TMEM135: variants seen among roughly 807,000 people sequenced by gnomAD.
TMEM135 encodes the protein peroxisomal membrane protein 52.
Under a neutral mutation model 60.3 loss-of-function variants are expected in TMEM135, and 30 were observed. That is an observed-to-expected ratio of 0.50 (90% CI 0.37 to 0.68). The LOEUF is 0.68. Among genes scored for constraint, TMEM135 ranks in the 30% least tolerant of loss-of-function variants. TMEM135 has a pLI of 0.00. For synonymous variants in TMEM135, 190 were observed against 186.7 expected, an observed-to-expected ratio of 1.02 and a Z score of -0.14; for missense variants, 468 against 548.8, an observed-to-expected ratio of 0.85 and a Z score of 1.47.
At chr11:87,213,956 A>G (rs1255013349) in intron 5 of TMEM135, among the ~76,000 whole-genome samples, 1 of 152,236 alleles carries the variant, frequency 6.6e-6, no homozygotes, top group Non-Finnish European at 1.5e-5. Context: ...TAAGTGAACC[A>G]TAACTTCAGC....
chr11:87,219,982 A>C (rs145916157), intron 5 of TMEM135, among the ~76,000 whole-genome samples: 13 of 152,340 alleles, frequency 8.5e-5, no homozygotes, highest in African/African-American at 1.4e-4. Context: ...GGTCTCAATA[A>C]AAAAGCATGT....
intron 6 of TMEM135, among the ~76,000 whole-genome samples, chr11:87,263,398 C>G (rs1216577073): frequency 1.3e-5 from 2 of 151,972 alleles, no homozygotes; most frequent in African/African-American, 4.8e-5. Context: ...GAATTTTTTC[C>G]ATGTCTTAAA....
At chr11:87,227,131 T>C (rs184681986) in intron 5 of TMEM135, among the ~76,000 whole-genome samples, 1 of 152,162 alleles carries the variant, frequency 6.6e-6, no homozygotes, top group Non-Finnish European at 1.5e-5. Context: ...GCATATTTAC[T>C]GTGAGTTTCC....
At chr11:87,268,542 C>G (rs1396083486) in intron 6 of TMEM135, among the ~76,000 whole-genome samples, 1 of 152,086 alleles carries the variant, frequency 6.6e-6, no homozygotes, top group Non-Finnish European at 1.5e-5. Context: ...AGAATTTAAA[C>G]TGGAATGAGA....
At chr11:87,291,151 C>T (rs1198200912) in intron 6 of TMEM135, among the ~76,000 whole-genome samples, 1 of 152,182 alleles carries the variant, frequency 6.6e-6, no homozygotes, top group Non-Finnish European at 1.5e-5. Context: ...CCTTAATCCT[C>T]AGACTTGTAC....
intron 4 of TMEM135, among the ~76,000 whole-genome samples, chr11:87,116,884 G>A (rs1262331691): frequency 2.0e-5 from 3 of 151,814 alleles, no homozygotes; most frequent in South Asian, 4.2e-4. Context: ...GTGCAGTGGC[G>A]TGATCTCGGC....
At chr11:87,172,968 A>G (rs1467906917) in intron 5 of TMEM135, among the ~76,000 whole-genome samples, 2 of 151,766 alleles carry the variant, frequency 1.3e-5, no homozygotes, top group Non-Finnish European at 1.5e-5. Context: ...ACATTACTAA[A>G]ATTATTACAC....
In TMEM135 at chr11:87,223,161, C is replaced by CTTT. The variant is rs34711550; in HGVS notation, c.463-13460_463-13458dup. On this transcript the variant is annotated intron_variant, in intron 5 of 14. Transcript: ENST00000305494. Reference sequence around the variant, plus strand: ...CTGCAGTAAATGGAGTTGAAAAGCACTTTTTTTTTTTTTTTTTTTCTGAGA... The same window carrying CTTT: ...CTGCAGTAAATGGAGTTGAAAAGCACTTTTTTTTTTTTTTTTTTTTTTCTGAGA... Among the ~76,000 whole-genome samples the CTTT allele has an allele frequency of 1.7e-4, 23 of 133,750 alleles. 1 individual carries two copies. The highest frequency in any genetic ancestry group is 3.1e-4 in the Admixed American group (4 of 12,918). The allele number at this position is 133,750 out of a possible 152,430, so 87.7% of individuals were successfully genotyped here.
At chr11:87,123,889 G>C (rs1481230114) in intron 4 of TMEM135, among the ~76,000 whole-genome samples, 1 of 152,172 alleles carries the variant, frequency 6.6e-6, no homozygotes, top group African/African-American at 2.4e-5. Context: ...AGTAGCTCAT[G>C]AAACAAGCTG....
intron 4 of TMEM135, among the ~76,000 whole-genome samples, chr11:87,103,877 G>A (rs1424886550): frequency 6.6e-6 from 1 of 151,974 alleles, no homozygotes; most frequent in East Asian, 1.9e-4. Flanking sequence ...CTTCCAATCT[G>A]TAGGTTGTCT....
At chr11:87,311,228 T>C (rs1942637048) in intron 10 of TMEM135, among the ~76,000 whole-genome samples, 1 of 151,712 alleles carries the variant, frequency 6.6e-6, no homozygotes, top group South Asian at 2.1e-4. Flanking sequence ...TTGTTTTCTG[T>C]AAAAATTTAC....
intron 4 of TMEM135, among the ~76,000 whole-genome samples, chr11:87,142,564 A>G (rs1446288866): frequency 6.6e-6 from 1 of 152,176 alleles, no homozygotes; most frequent in African/African-American, 2.4e-5. Context: ...CTCCCTAAGT[A>G]TAAAGTGTTT....
At chr11:87,056,470 A>G (rs1401719884) in intron 1 of TMEM135, among the ~76,000 whole-genome samples, 2 of 152,168 alleles carry the variant, frequency 1.3e-5, no homozygotes, top group Non-Finnish European at 2.9e-5. Context: ...GTTAAATTTC[A>G]TGATTAGATT....
chr11:87,058,028 G>T (rs1055264968), intron 1 of TMEM135, among the ~76,000 whole-genome samples: 2 of 152,148 alleles, frequency 1.3e-5, no homozygotes, highest in African/African-American at 4.8e-5. Context: ...TTTCAGTCAG[G>T]TCTGAAGGCA....
Position 87,324,565 on chromosome 11 carries a change from A to G in TMEM135, c.*3232A>G. The G allele has an allele frequency of 2.2e-6, 1 of 451,270 alleles. No homozygotes were observed. 28.0% of individuals were successfully genotyped at this position (451,270 alleles called of 1,614,324 possible). A position where few individuals can be genotyped will look rare whatever the true frequency, so the allele number is the denominator to read the frequency against. ...GTCTCTAATAGCTGGGACAACAGGC[A>G]TGTGCCACCATGCCTGGCTAATATT... On this transcript the variant is annotated 3_prime_UTR_variant, in exon 15 of 15. Transcript: ENST00000305494.
intron 6 of TMEM135, among the ~76,000 whole-genome samples, chr11:87,248,769 G>A (rs976721481): frequency 2.6e-5 from 4 of 151,648 alleles, no homozygotes; most frequent in African/African-American, 9.7e-5. Flanking sequence ...TTTATTTTTT[G>A]GTGTCCTCTT....
chr11:87,146,019 A>C (rs1173602736), intron 4 of TMEM135, among the ~76,000 whole-genome samples: 1 of 152,110 alleles, frequency 6.6e-6, no homozygotes, highest in African/African-American at 2.4e-5. Flanking sequence ...AATGTTGTTT[A>C]GTCTTTATCC....
At chr11:87,110,878 GT>G (rs1333356714) in intron 4 of TMEM135, among the ~76,000 whole-genome samples, 1 of 152,022 alleles carries the variant, frequency 6.6e-6, no homozygotes. Flanking sequence ...TAATATTTAG[GT>G]TACTAGCATT....
intron 8 of TMEM135, among the ~76,000 whole-genome samples, chr11:87,304,495 G>GC (rs1942507077): frequency 6.9e-6 from 1 of 144,586 alleles, no homozygotes; most frequent in Non-Finnish European, 1.6e-5. Flanking sequence ...GCCTGAGGCA[G>GC]CCTTTCTCTT....
Sources: allele counts gnomAD v4.1 joint callset (sites outside exome capture counted in the v4.1 genomes callset), GRCh38; gene constraint gnomAD v4.1.1; transcripts MANE v1.5; gene names NCBI Gene and HGNC (gene_info 2026-07-23, HGNC 2026-07-21).